Variants in XXYLT1 observed in about 807,000 individuals in gnomAD.
The protein encoded by XXYLT1 is xyloside xylosyltransferase 1, also known as UDP-xylose:alpha-xyloside alpha-1,3-xylosyltransferase.
Under a neutral mutation model 28.9 loss-of-function variants are expected in XXYLT1, and 20 were observed. The ratio of observed to expected loss-of-function variants is 0.69; its 90% CI spans 0.49 to 1.00. The LOEUF (loss-of-function observed/expected upper bound fraction) is 1.00, where lower values mean the gene tolerates loss of function less well. Among genes scored for constraint, XXYLT1 ranks in the 50% least tolerant of loss-of-function variants. XXYLT1 has a pLI of 0.00. For missense variants in XXYLT1, 542 were observed against 560.1 expected (o/e 0.97, Z 0.33); for synonymous variants, 257 against 253.8 (o/e 1.01, Z -0.12).
At chr3:195,241,994 G>C (rs1724796278) in intron 1 of XXYLT1, among the ~76,000 whole-genome samples, 1 of 152,204 alleles carries the variant, frequency 6.6e-6, no homozygotes, top group South Asian at 2.1e-4. Context: ...AGCCTGTAAG[G>C]CACCATGAGG....
chr3:195,105,725 A>G (rs1267934427), intron 3 of XXYLT1, among the ~76,000 whole-genome samples: 1 of 151,464 alleles, frequency 6.6e-6, no homozygotes, highest in African/African-American at 2.4e-5. Context: ...AGCGGGGGCC[A>G]AGGGATCCCT....
chr3:195,226,991 T>C, intron 1 of XXYLT1, 135 bp from the exon 2 acceptor site: 2 of 1,066,228 alleles, frequency 1.9e-6, no homozygotes, highest in Non-Finnish European at 2.6e-6. Flanking sequence ...GGGATGGGGC[T>C]AGGGGTAGCA....
In XXYLT1 at chr3:195,241,679, C is replaced by A. The variant is rs570765119; in HGVS notation, c.505-14823G>T. Among the ~76,000 whole-genome samples the A allele has an allele frequency of 3.3e-5, 5 of 152,202 alleles. No homozygotes were observed. The South Asian group carries it at 8.3e-4, about 25-fold the overall frequency. ...TGCACTGTCTACTCTGCTCAGAGAA[C>A]CCTCCCCCAGAACCTTCTGCCTGAA... On this transcript the variant is annotated intron_variant, in intron 1 of 3. Coordinates refer to ENST00000310380, the MANE Select transcript of XXYLT1 (RefSeq NM_152531.5).
chr3:195,270,967 G>T lies in XXYLT1; in HGVS notation c.92C>A (p.Ala31Glu). Residue 31 changes from alanine (A) to glutamate (E), a missense_variant, in exon 1 of 4, where the codon GCG becomes GAG. Physicochemically the swap from Ala to Glu is moderately radical, Grantham distance 107. Coordinates refer to ENST00000310380, the MANE Select transcript of XXYLT1 (RefSeq NM_152531.5). ...GTAGAAGGCGCAGACGGCCAGCGCC[G>T]CGGCCAGCAGCAGGGCGCAGTAGTG... ...RSHYCALLLA[A>E]ALAVCAFYYL... 6.7e-7 allele frequency: 1 copy of T among 1,487,894 alleles called. No homozygotes were observed. The allele number at this position is 1,487,894 out of a possible 1,614,324, so 92.2% of individuals were successfully genotyped here. A position where few individuals can be genotyped will look rare whatever the true frequency, so the allele number is the denominator to read the frequency against.
intron 2 of XXYLT1, among the ~76,000 whole-genome samples, chr3:195,161,671 G>A (rs528845967): frequency 7.4e-6 from 1 of 134,988 alleles, no homozygotes; most frequent in African/African-American, 2.8e-5. Context: ...GTCTTGCTCT[G>A]TCACCCTGGC....
chr3:195,243,319 CTGCACGT>C (rs1724865148), intron 1 of XXYLT1, among the ~76,000 whole-genome samples: 2 of 150,916 alleles, frequency 1.3e-5, no homozygotes, highest in South Asian at 4.2e-4. Context: ...TGTAACAAAC[CTGCACGT>C]TGTACACATG....
chr3:195,080,065 T>C (rs1237695891), intron 3 of XXYLT1, among the ~76,000 whole-genome samples: 1 of 151,872 alleles, frequency 6.6e-6, no homozygotes, highest in Non-Finnish European at 1.5e-5. Flanking sequence ...TAGGAGAATG[T>C]TGGATGAAGG....
At chr3:195,164,908 G>C (rs1403115039) in intron 2 of XXYLT1, among the ~76,000 whole-genome samples, 2 of 152,026 alleles carry the variant, frequency 1.3e-5, no homozygotes, top group Non-Finnish European at 2.9e-5. Context: ...GTCCGTTATG[G>C]GAAGTGACTA....
Position 195,271,152 on chromosome 3 carries a change from G to C in XXYLT1, c.-94C>G. 8.0e-7 allele frequency: 1 copy of C among 1,253,510 alleles called. No individual in the cohort carries two copies. Among genetic ancestry groups the C allele is most frequent in the East Asian group, 3.3e-5 (1 of 30,308 alleles). The allele number at this position is 1,253,510 out of a possible 1,614,324, so 77.6% of individuals were successfully genotyped here. On this transcript the variant is annotated 5_prime_UTR_variant, in exon 1 of 4. Transcript: ENST00000310380. ...GGCCACTTAGCCCCGGCGCCAGGCG[G>C]CGGCCATGAAAGGGGCGGGGCCGCG...
At chr3:195,086,211 CT>C (rs900976236) in intron 3 of XXYLT1, among the ~76,000 whole-genome samples, 2 of 151,322 alleles carry the variant, frequency 1.3e-5, no homozygotes, top group Non-Finnish European at 3.0e-5. Flanking sequence ...TTAAATTTTT[CT>C]TTTTTTTTAA....
At chr3:195,117,609 G>A (rs1245750779) in intron 3 of XXYLT1, among the ~76,000 whole-genome samples, 1 of 149,134 alleles carries the variant, frequency 6.7e-6, no homozygotes, top group Admixed American at 6.8e-5. Flanking sequence ...GTAGGGGTCG[G>A]GGTAGCGTGG....
chr3:195,137,456 G>T (rs1322580551), intron 3 of XXYLT1, among the ~76,000 whole-genome samples: 1 of 152,182 alleles, frequency 6.6e-6, no homozygotes, highest in Non-Finnish European at 1.5e-5. Context: ...TCCCACATGG[G>T]TAAAGGGTGG....
chr3:195,167,010 T>C (rs1055768205), intron 2 of XXYLT1, among the ~76,000 whole-genome samples: 16 of 152,300 alleles, frequency 1.1e-4, no homozygotes, highest in African/African-American at 3.8e-4. Context: ...TCCTTCAATC[T>C]GGGTTTGCCT....
chr3:195,143,853 TAGA>T (rs1719668218), intron 3 of XXYLT1, among the ~76,000 whole-genome samples: 5 of 111,222 alleles, frequency 4.5e-5, no homozygotes, highest in Admixed American at 1.9e-4. Flanking sequence ...GATATATATA[TAGA>T]TATATATAGA....
At chr3:195,147,878 T>G (rs1156665199) in intron 3 of XXYLT1, 1 of 152,226 alleles carries the variant, frequency 6.6e-6, no homozygotes, top group Non-Finnish European at 1.5e-5. Context: ...AGGCACGACG[T>G]GGTGAACTTT....
At chr3:195,110,339 GTGTGTGGTGTGTGGTGTA>G (rs1314771335) in intron 3 of XXYLT1, among the ~76,000 whole-genome samples, 8 of 106,046 alleles carry the variant, frequency 7.5e-5, no homozygotes, top group East Asian at 3.0e-4. Flanking sequence ...GTGTGTGTAT[GTGTGTGGTGTGTGGTGTA>G]TGTGCGTGCG....
intron 3 of XXYLT1, among the ~76,000 whole-genome samples, chr3:195,107,601 AGGAGGAAGGG>A (rs1199576553): frequency 6.3e-4 from 9 of 14,174 alleles, no homozygotes; most frequent in Admixed American, 9.4e-4. Flanking sequence ...GAGGAGGGGG[AGGAGGAAGGG>A]GAGGAGGAGG....
intron 3 of XXYLT1, among the ~76,000 whole-genome samples, chr3:195,143,871 G>GATAT (rs1334344433): frequency 3.7e-5 from 3 of 81,716 alleles, no homozygotes; most frequent in Non-Finnish European, 7.1e-5. Context: ...TATAGATATA[G>GATAT]ATATATATAT....
chr3:195,125,959 C>T (rs542339203), intron 3 of XXYLT1, among the ~76,000 whole-genome samples: 80 of 150,220 alleles, frequency 5.3e-4, no homozygotes, highest in Non-Finnish European at 9.5e-4. Flanking sequence ...TCACGATACC[C>T]CGAGATAACT....
Sources: allele counts gnomAD v4.1 joint callset (sites outside exome capture counted in the v4.1 genomes callset), GRCh38; gene constraint gnomAD v4.1.1; transcripts MANE v1.5; gene names NCBI Gene and HGNC (gene_info 2026-07-23, HGNC 2026-07-21).